Variants in MGAT5 observed in about 807,000 individuals in gnomAD.
MGAT5 encodes alpha-1,6-mannosylglycoprotein 6-beta-N-acetylglucosaminyltransferase A.
MGAT5 carries 30 observed loss-of-function variants against 94.3 expected under a neutral mutation model. That is an observed-to-expected ratio of 0.32 (90% CI 0.24 to 0.43). MGAT5 has a LOEUF of 0.43. Among genes scored for constraint, MGAT5 ranks in the 20% least tolerant of loss-of-function variants. The probability of loss-of-function intolerance (pLI) is 1.00; values close to 1 mark genes in which losing one functional copy is unlikely to be tolerated. For missense variants in MGAT5, 691 were observed against 905.5 expected (o/e 0.76, Z 3.04); for synonymous variants, 310 against 322.9 (o/e 0.96, Z 0.43).
At chr2:134,158,988 G>A (rs2105053431) in intron 1 of MGAT5, among the ~76,000 whole-genome samples, 1 of 152,250 alleles carries the variant, frequency 6.6e-6, no homozygotes, top group Admixed American at 6.5e-5. Flanking sequence ...ATGAAGAAAA[G>A]AATGTAAACT....
intron 1 of MGAT5, among the ~76,000 whole-genome samples, chr2:134,226,771 A>G (rs1314540876): frequency 6.6e-6 from 1 of 152,158 alleles, no homozygotes; most frequent in African/African-American, 2.4e-5. Flanking sequence ...TACAGATAAA[A>G]ACGGACATGC....
intron 10 of MGAT5, among the ~76,000 whole-genome samples, chr2:134,373,122 C>A (rs1409646777): frequency 6.6e-6 from 1 of 152,120 alleles, no homozygotes; most frequent in Non-Finnish European, 1.5e-5. Context: ...ATGGGAGCTG[C>A]GGTGTTGAGG....
At chr2:134,401,355 G>A (rs1446836310) in intron 10 of MGAT5, among the ~76,000 whole-genome samples, 1 of 152,172 alleles carries the variant, frequency 6.6e-6, no homozygotes, top group Admixed American at 6.5e-5. Context: ...CCTGTATACA[G>A]GATTCTGAGT....
chr2:134,204,714 G>GAT (rs1257194465), intron 1 of MGAT5, among the ~76,000 whole-genome samples: 1 of 152,178 alleles, frequency 6.6e-6, no homozygotes, highest in African/African-American at 2.4e-5. Flanking sequence ...AAGAGGACTT[G>GAT]ATATTGCTCT....
chr2:134,225,779 A>G (rs1681029061), intron 1 of MGAT5, among the ~76,000 whole-genome samples: 2 of 152,220 alleles, frequency 1.3e-5, no homozygotes, highest in Admixed American at 1.3e-4. Context: ...GGAAAACTTT[A>G]TCTCAATAAA....
chr2:134,247,484 T>C (rs941056195), intron 1 of MGAT5, among the ~76,000 whole-genome samples: 6 of 152,246 alleles, frequency 3.9e-5, no homozygotes, highest in East Asian at 1.9e-4. Context: ...GCAGTTTTGC[T>C]GAGTCTCTGC....
chr2:134,311,395 T>C (rs1686646057), intron 2 of MGAT5, among the ~76,000 whole-genome samples: 2 of 152,168 alleles, frequency 1.3e-5, no homozygotes, highest in Admixed American at 6.5e-5. Context: ...AAGTGTCATC[T>C]CAAACAACAC....
intron 2 of MGAT5, among the ~76,000 whole-genome samples, chr2:134,299,562 A>T (rs949851204): frequency 1.3e-5 from 2 of 152,024 alleles, no homozygotes; most frequent in Non-Finnish European, 2.9e-5. Context: ...CTGAATCAGG[A>T]TCTTCTTTAT....
rs1351685494 is a variant in MGAT5, at chr2:134,338,296, T to C, written c.683T>C (p.Met228Thr). Residue 228 changes from methionine (M) to threonine (T), a missense_variant, in exon 6 of 16, where the codon ATG (methionine) becomes ACG (threonine). Met to Thr is a moderately conservative substitution (Grantham distance 81, BLOSUM62 -1). Around this residue, in one of 4 missense-constraint regions of MGAT5, gnomAD observed 307 missense variants for 335.4 expected, o/e 0.92. Transcript: ENST00000281923. The stretch of plus-strand genomic sequence containing the variant: ...ACAGATTTTAATATTCTCTACAGTA[T>C]GATGAAAAAGCATGAAGAATTCCGG... ...IRTDFNILYS[M>T]MKKHEEFRWM... 2 of 1,612,984 alleles carry C rather than the reference T, an allele frequency of 1.2e-6. No individual in the cohort carries two copies. The highest frequency in any genetic ancestry group is 2.2e-5 in the East Asian group (1 of 44,814).
At chr2:134,424,656 G>C (rs1192484879) in intron 13 of MGAT5, among the ~76,000 whole-genome samples, 1 of 152,170 alleles carries the variant, frequency 6.6e-6, no homozygotes. Context: ...TAACACAGTA[G>C]TGCAAACAAC....
chr2:134,145,212 C>CTGTGTGTGTGTGTGTGTGTG (rs1350453588), intron 1 of MGAT5, among the ~76,000 whole-genome samples: 64 of 113,772 alleles, frequency 5.6e-4, no homozygotes, highest in African/African-American at 2.3e-3. Flanking sequence ...GTGTCTCTCT[C>CTGTGTGTGTGTGTGTGTGTG]TCTGTGTGTG....
At position 134,379,659 on chromosome 2, in the gene MGAT5, G is replaced by A. The variant is rs73958395; in HGVS notation, c.1380+17251G>A. ...TGGACTGCAGGCGTTATGAGGGCAG[G>A]CACCCAGTGGTCTTACATTTGTATC... On this transcript the variant is annotated intron_variant, in intron 10 of 15. Transcript: ENST00000281923. Among the ~76,000 whole-genome samples, 1,343 of 152,322 alleles carry A rather than the reference G, an allele frequency of 8.8e-3. 14 individuals carry two copies. The highest frequency in any genetic ancestry group is 0.031 in the African/African-American group (1,275 of 41,574).
chr2:134,412,415 C>T (rs756947787), intron 11 of MGAT5, among the ~76,000 whole-genome samples: 1 of 152,112 alleles, frequency 6.6e-6, no homozygotes, highest in Non-Finnish European at 1.5e-5. Flanking sequence ...CCTTTCTGTC[C>T]CTCCGCCCAG....
chr2:134,329,718 T>C (rs1558795710), intron 4 of MGAT5, among the ~76,000 whole-genome samples: 1 of 152,082 alleles, frequency 6.6e-6, no homozygotes, highest in Non-Finnish European at 1.5e-5. Flanking sequence ...ATGACCTGTG[T>C]AAAGGGCTTA....
intron 1 of MGAT5, among the ~76,000 whole-genome samples, chr2:134,206,125 T>C (rs1680011148): frequency 6.6e-6 from 1 of 152,216 alleles, no homozygotes; most frequent in South Asian, 2.1e-4. Flanking sequence ...AGTGTACTCA[T>C]TATTGAGAGG....
intron 9 of MGAT5, among the ~76,000 whole-genome samples, chr2:134,360,591 G>C (rs759950830): frequency 6.6e-6 from 1 of 152,132 alleles, no homozygotes; most frequent in Non-Finnish European, 1.5e-5. Context: ...TGTCAGGTTT[G>C]AGTTCAAAAC....
chr2:134,254,202 C>G lies in MGAT5; in HGVS notation c.-202C>G, dbSNP rs1682791949. Reference sequence around the variant, plus strand: ...AGGTATTCAAGTGAAAACATGGCTTCTGGTTTATTTTGCTGTATTGTGCCA... The same window carrying G: ...AGGTATTCAAGTGAAAACATGGCTTGTGGTTTATTTTGCTGTATTGTGCCA... On this transcript the variant is annotated 5_prime_UTR_variant, in exon 1 of 16. Transcript: ENST00000281923. 4.9e-6 allele frequency: 3 copies of G among 608,100 alleles called. No individual in the cohort carries two copies. Among genetic ancestry groups the G allele is most frequent in the Non-Finnish European group, 8.6e-6 (3 of 347,138 alleles). The allele number at this position is 608,100 out of a possible 1,614,324, so 37.7% of individuals were successfully genotyped here.
At chr2:134,362,612 T>C (rs183621461) in intron 10 of MGAT5, among the ~76,000 whole-genome samples, 1 of 152,350 alleles carries the variant, frequency 6.6e-6, no homozygotes, top group East Asian at 1.9e-4. Context: ...TGATAGTGGC[T>C]GTACAACAGC....
intron 1 of MGAT5, among the ~76,000 whole-genome samples, chr2:134,152,222 T>C (rs1687243695): frequency 7.2e-6 from 1 of 139,816 alleles, no homozygotes; most frequent in African/African-American, 2.7e-5. Flanking sequence ...ACTCACACCC[T>C]ATGGGACCCG....
Sources: gnomAD v4.1 joint callset for allele counts (sites outside exome capture counted in the v4.1 genomes callset) on GRCh38, gnomAD v4.1.1 for gene constraint, gnomAD v4.1.1 regional missense constraint, MANE v1.5 for transcripts, NCBI Gene and HGNC (gene_info 2026-07-23, HGNC 2026-07-21) for gene names.